Variants in OSBPL10 observed in about 807,000 individuals in gnomAD.
OSBPL10 encodes the protein oxysterol-binding protein-related protein 10.
Under a neutral mutation model 81.7 loss-of-function variants are expected in OSBPL10, and 49 were observed. That is an observed-to-expected ratio of 0.60 (90% CI 0.48 to 0.76). The LOEUF is 0.76. Among genes scored for constraint, OSBPL10 ranks in the 30% least tolerant of loss-of-function variants. The pLI is 0.00. For synonymous variants in OSBPL10, 419 were observed against 383.6 expected (o/e 1.09, Z -1.08); for missense variants, 923 against 987.8 (o/e 0.93, Z 0.88).
intron 4 of OSBPL10, among the ~76,000 whole-genome samples, chr3:31,827,440 G>T (rs56049046): frequency 0.062 from 9,419 of 152,150 alleles, 366 homozygotes; most frequent in South Asian, 0.15. Context: ...ATCAAGACCA[G>T]CCTGGCTAAC....
Position 31,980,849 on chromosome 3 carries a change from A to G in OSBPL10, c.281+50T>C, listed in dbSNP as rs1295496376. 9 of 1,482,204 alleles carry G rather than the reference A, an allele frequency of 6.1e-6. 1 individual carries two copies. Among genetic ancestry groups the G allele is most frequent in the South Asian group, 2.6e-5 (2 of 75,516 alleles). 91.8% of individuals were successfully genotyped at this position (1,482,204 alleles called of 1,614,324 possible). Reference sequence around the variant, plus strand: ...CACATACACACACGCACGCACACACACACACACACACACAGCGGCGCGCGG... The same window carrying G: ...CACATACACACACGCACGCACACACGCACACACACACACAGCGGCGCGCGG... On this transcript the variant is annotated intron_variant, in intron 1 of 11. Transcript: ENST00000396556.
At chr3:32,044,741 CAAAAAAAAAAAAAA>C (rs34855965) in intron 2 of OSBPL10, among the ~76,000 whole-genome samples, 1 of 67,064 alleles carries the variant, frequency 1.5e-5, no homozygotes, top group East Asian at 4.7e-4. Context: ...AACTCCATCT[CAAAAAAAAAAAAAA>C]AAAAAAAAAG....
At chr3:31,738,427 C>G (rs1697253470) in intron 5 of OSBPL10, among the ~76,000 whole-genome samples, 1 of 151,398 alleles carries the variant, frequency 6.6e-6, no homozygotes, top group Non-Finnish European at 1.5e-5. Flanking sequence ...TGCGACAACA[C>G]TAAATGCCAA....
At chr3:31,862,343 C>T (rs1405301158) in intron 3 of OSBPL10, among the ~76,000 whole-genome samples, 1 of 152,106 alleles carries the variant, frequency 6.6e-6, no homozygotes, top group African/African-American at 2.4e-5. Context: ...CTTGGAAAGA[C>T]CGAAGCCTGG....
chr3:31,744,515 G>T (rs1382477327), intron 5 of OSBPL10, among the ~76,000 whole-genome samples: 4 of 130,696 alleles, frequency 3.1e-5, no homozygotes, highest in Non-Finnish European at 4.7e-5. Flanking sequence ...TCCACCCTGG[G>T]TGATAGAGCG....
intron 1 of OSBPL10, among the ~76,000 whole-genome samples, chr3:31,896,092 A>C (rs754683532): frequency 6.6e-6 from 1 of 152,238 alleles, no homozygotes; most frequent in African/African-American, 2.4e-5. Context: ...AATTCCAAGA[A>C]ACTCAACTCC....
chr3:31,736,478 G>A (rs17451045), intron 5 of OSBPL10, among the ~76,000 whole-genome samples: 63,894 of 151,934 alleles, frequency 0.42, 13,965 homozygotes, highest in East Asian at 0.71. Context: ...AAGAAAACCA[G>A]CCCAGGATTC....
intron 1 of OSBPL10, among the ~76,000 whole-genome samples, chr3:31,942,852 A>G (rs1156335698): frequency 6.6e-6 from 1 of 152,248 alleles, no homozygotes; most frequent in Non-Finnish European, 1.5e-5. Flanking sequence ...CATAACATAC[A>G]CATAACAAAA....
At chr3:31,873,366 C>T (rs1701379687) in intron 3 of OSBPL10, among the ~76,000 whole-genome samples, 2 of 152,108 alleles carry the variant, frequency 1.3e-5, no homozygotes, top group Non-Finnish European at 2.9e-5. Flanking sequence ...ATAATTCCCT[C>T]CTTGTTTTTC....
At chr3:31,822,071 A>G (rs1699993436) in intron 4 of OSBPL10, 2 of 152,250 alleles carry the variant, frequency 1.3e-5, no homozygotes, top group Admixed American at 1.3e-4. Context: ...AATTACATGA[A>G]GAAACATATA....
chr3:32,043,081 C>T (rs1396441295), intron 2 of OSBPL10, among the ~76,000 whole-genome samples: 1 of 150,572 alleles, frequency 6.6e-6, no homozygotes, highest in Non-Finnish European at 1.5e-5. Flanking sequence ...TCTGAGGGTA[C>T]TGCAGGAGAC....
rs1553623631 is a variant in OSBPL10, at chr3:31,769,470, C to CCA, written c.730-21351_730-21350insTG. The stretch of plus-strand genomic sequence containing the variant: ...CAAAAAAAAAAAAACAAAAAAAAAA[C>CCA]AAAAAAAAACAGAATAAAAATATAT... On this transcript the variant is annotated intron_variant, in intron 4 of 11. Coordinates refer to ENST00000396556, the MANE Select transcript of OSBPL10 (RefSeq NM_017784.5). Among the ~76,000 whole-genome samples, 3 of 28,830 alleles carry CCA rather than the reference C, an allele frequency of 1.0e-4. 1 individual carries two copies. Among genetic ancestry groups the CCA allele is most frequent in the South Asian group, 1.6e-3 (1 of 626 alleles). The allele number at this position is 28,830 out of a possible 152,430, so 18.9% of individuals were successfully genotyped here.
intron 6 of OSBPL10, among the ~76,000 whole-genome samples, chr3:31,722,328 T>A (rs1195170316): frequency 6.6e-6 from 1 of 152,176 alleles, no homozygotes; most frequent in Non-Finnish European, 1.5e-5. Context: ...AGGCTTCTCA[T>A]AAGCCCTAGT....
intron 2 of OSBPL10, chr3:31,989,321 A>G (rs1698989452): frequency 2.5e-6 from 4 of 1,614,112 alleles, no homozygotes; most frequent in Non-Finnish European, 3.4e-6. Flanking sequence ...GCGCAAGGCA[A>G]TACAGAAGTG....
At chr3:31,912,564 G>A (rs1696613690) in intron 1 of OSBPL10, among the ~76,000 whole-genome samples, 1 of 152,054 alleles carries the variant, frequency 6.6e-6, no homozygotes, top group Admixed American at 6.6e-5. Flanking sequence ...AGAAGCTCTC[G>A]CCCTCTTATA....
chr3:32,056,297 G>A (rs1429698913), intron 1 of OSBPL10, among the ~76,000 whole-genome samples: 1 of 152,144 alleles, frequency 6.6e-6, no homozygotes, highest in Non-Finnish European at 1.5e-5. Context: ...AAGAGGGATA[G>A]GTAATGTAAA....
intron 6 of OSBPL10, among the ~76,000 whole-genome samples, chr3:31,731,976 T>C (rs1191638157): frequency 2.0e-5 from 3 of 152,138 alleles, no homozygotes; most frequent in Non-Finnish European, 4.4e-5. Flanking sequence ...AAGTCAGAAA[T>C]AGCATGAGCC....
At chr3:31,957,390 T>C (rs988901367) in intron 1 of OSBPL10, among the ~76,000 whole-genome samples, 1 of 152,178 alleles carries the variant, frequency 6.6e-6, no homozygotes, top group Non-Finnish European at 1.5e-5. Flanking sequence ...AGAGCCACAG[T>C]GGCAGCTGAG....
intron 1 of OSBPL10, among the ~76,000 whole-genome samples, chr3:31,902,640 G>A (rs911813930): frequency 5.3e-5 from 8 of 152,036 alleles, no homozygotes; most frequent in Admixed American, 1.3e-4. Flanking sequence ...TCGGCTCACT[G>A]CAAGCTCCAC....
Sources: gnomAD v4.1 joint callset for allele counts (sites outside exome capture counted in the v4.1 genomes callset) on GRCh38, gnomAD v4.1.1 for gene constraint, MANE v1.5 for transcripts, NCBI Gene and HGNC (gene_info 2026-07-23, HGNC 2026-07-21) for gene names.